The following UNC13C variants were observed in gnomAD, a reference collection of about 807,000 sequenced individuals.
UNC13C encodes unc-13 homolog C.
Under a neutral mutation model 245.4 loss-of-function variants are expected in UNC13C, and 174 were observed. The observed-to-expected ratio is 0.71, with a 90% CI of 0.63 to 0.80. UNC13C has a LOEUF of 0.80. UNC13C is among the 30% of genes least tolerant of loss of function. UNC13C has a pLI of 0.00. For missense variants in UNC13C, 2,829 were observed against 2,602.9 expected (o/e 1.09, Z -1.89); for synonymous variants, 992 against 895.1 (o/e 1.11, Z -1.93).
chr15:54,323,645 T>C (rs1405138107), intron 14 of UNC13C, among the ~76,000 whole-genome samples: 1 of 152,042 alleles, frequency 6.6e-6, no homozygotes, highest in Non-Finnish European at 1.5e-5. Context: ...ACAGATTGAC[T>C]CTTGCAGAAG....
chr15:54,601,704 A>G (rs1205800248), intron 30 of UNC13C, among the ~76,000 whole-genome samples: 1 of 152,110 alleles, frequency 6.6e-6, no homozygotes, highest in Non-Finnish European at 1.5e-5. Flanking sequence ...TCGGACATCC[A>G]TCTCCCTTTC....
intron 10 of UNC13C, among the ~76,000 whole-genome samples, chr15:54,285,580 C>T (rs575197752): frequency 9.2e-5 from 14 of 152,214 alleles, no homozygotes; most frequent in African/African-American, 3.1e-4. Context: ...GAAAGGCTGC[C>T]GTGGCTGCTT....
intron 17 of UNC13C, among the ~76,000 whole-genome samples, chr15:54,373,849 G>A (rs2039547735): frequency 6.6e-6 from 1 of 152,176 alleles, no homozygotes; most frequent in Admixed American, 6.5e-5. Flanking sequence ...GAAGAATGAG[G>A]TACACCGACA....
intron 13 of UNC13C, chr15:54,320,843 A>G (rs889954541): frequency 2.2e-5 from 7 of 314,324 alleles, no homozygotes; most frequent in South Asian, 1.5e-4. Flanking sequence ...TTCTGCCTCC[A>G]AAGTTTCTAC....
chr15:54,029,017 A>G (rs1173571758), intron 2 of UNC13C, among the ~76,000 whole-genome samples: 1 of 147,782 alleles, frequency 6.8e-6, no homozygotes, highest in Non-Finnish European at 1.5e-5. Flanking sequence ...ATTTTAAACT[A>G]TTTATGAGAA....
intron 30 of UNC13C, among the ~76,000 whole-genome samples, chr15:54,588,717 A>G (rs998599888): frequency 2.6e-5 from 4 of 152,130 alleles, no homozygotes; most frequent in Non-Finnish European, 5.9e-5. Flanking sequence ...GCTCCCATAT[A>G]TCATTGAGAA....
chr15:54,142,999 T>C lies in UNC13C; in HGVS notation c.2984-19T>C, dbSNP rs2032092629. On this transcript the variant is annotated intron_variant, in intron 2 of 32. Coordinates refer to ENST00000260323, the MANE Select transcript of UNC13C (RefSeq NM_001080534.3). ...ACTCCATCTAACATTTATCCCTTCTTTTCCTGATTCTCTTTCAGATAGCAG... is the reference window on the plus strand; with the variant it reads ...ACTCCATCTAACATTTATCCCTTCTCTTCCTGATTCTCTTTCAGATAGCAG... 1 of 1,610,898 alleles carries C rather than the reference T, an allele frequency of 6.2e-7. No individual in the cohort carries two copies. The highest frequency in any genetic ancestry group is 8.5e-7 in the Non-Finnish European group (1 of 1,178,116).
intron 27 of UNC13C, among the ~76,000 whole-genome samples, chr15:54,549,242 C>T (rs1650900814): frequency 6.6e-6 from 1 of 152,200 alleles, no homozygotes; most frequent in Non-Finnish European, 1.5e-5. Context: ...GGAGCAATTC[C>T]ACCTTCTTTA....
chr15:53,972,839 A>C, the UNC13C span: 1 of 152,202 alleles, frequency 6.6e-6, no homozygotes, highest in African/African-American at 2.4e-5. Flanking sequence ...AAACCCAATG[A>C]TCATTTATCA....
intron 2 of UNC13C, among the ~76,000 whole-genome samples, chr15:54,063,310 G>C (rs574804281): frequency 6.6e-6 from 1 of 152,094 alleles, no homozygotes; most frequent in Non-Finnish European, 1.5e-5. Flanking sequence ...AGACACACAC[G>C]AAGCTGAGTA....
intron 19 of UNC13C, among the ~76,000 whole-genome samples, chr15:54,491,240 AC>A (rs1893689295): frequency 6.6e-6 from 1 of 152,206 alleles, no homozygotes; most frequent in Non-Finnish European, 1.5e-5. Flanking sequence ...CTCATTCCTA[AC>A]ATTTGCAGAG....
At chr15:53,995,482 G>A (rs375581251) in intron 1 of UNC13C, among the ~76,000 whole-genome samples, 131 of 9,552 alleles carry the variant, frequency 0.014, no homozygotes, top group African/African-American at 0.049. Flanking sequence ...CCACCCCCCT[G>A]AAAGTTTTTT....
rs1897270825 is a variant in UNC13C, at chr15:54,051,656, A to AT, written c.2983+35773dup. ...ACAGACTTTATTTATTTATTTATTTATTTATTTATTTTAATCAGGTGAATT... is the reference window on the plus strand; with the variant it reads ...ACAGACTTTATTTATTTATTTATTTATTTTATTTATTTTAATCAGGTGAATT... On this transcript the variant is annotated intron_variant, in intron 2 of 32. Coordinates refer to ENST00000260323, the MANE Select transcript of UNC13C (RefSeq NM_001080534.3). 3.3e-5 allele frequency among the ~76,000 whole-genome samples: 5 copies of AT among 149,406 alleles called. No individual in the cohort carries two copies. In the South Asian group the frequency reaches 8.4e-4, roughly 25 times the overall value.
intron 30 of UNC13C, among the ~76,000 whole-genome samples, chr15:54,595,359 ACT>A (rs951633475): frequency 2.0e-5 from 3 of 151,772 alleles, no homozygotes; most frequent in African/African-American, 4.8e-5. Flanking sequence ...CACCCCAGAA[ACT>A]CTCTTTCCCA....
chr15:54,447,759 G>A (rs554287000), intron 19 of UNC13C, among the ~76,000 whole-genome samples: 1 of 152,216 alleles, frequency 6.6e-6, no homozygotes, highest in Admixed American at 6.5e-5. Flanking sequence ...AGGGTTTTCT[G>A]TGTTGCTATC....
intron 2 of UNC13C, among the ~76,000 whole-genome samples, chr15:54,043,181 A>C (rs1896887346): frequency 6.6e-6 from 1 of 152,238 alleles, no homozygotes; most frequent in African/African-American, 2.4e-5. Context: ...TGGCTAAAAT[A>C]ATTCTGGACA....
chr15:54,059,745 C>A (rs1897718278), intron 2 of UNC13C, among the ~76,000 whole-genome samples: 1 of 152,188 alleles, frequency 6.6e-6, no homozygotes, highest in Admixed American at 6.5e-5. Flanking sequence ...ATCAAAACAG[C>A]ATGGTACTGG....
intron 12 of UNC13C, among the ~76,000 whole-genome samples, 167 bp downstream of exon 12, chr15:54,298,093 T>G (rs2037483113): frequency 1.3e-5 from 2 of 152,168 alleles, no homozygotes; most frequent in Admixed American, 1.3e-4. Flanking sequence ...ATTCTATGTG[T>G]TGTATTACCC....
At chr15:54,610,934 T>C (rs1009729453) in intron 30 of UNC13C, among the ~76,000 whole-genome samples, 1 of 152,238 alleles carries the variant, frequency 6.6e-6, no homozygotes, top group African/African-American at 2.4e-5. Context: ...TAGTAAGTAT[T>C]AAAAAAATTT....
Sources: allele counts gnomAD v4.1 joint callset (sites outside exome capture counted in the v4.1 genomes callset), GRCh38; gene constraint gnomAD v4.1.1; transcripts MANE v1.5; gene names NCBI Gene and HGNC (gene_info 2026-07-23, HGNC 2026-07-21).